ARK2C: variants seen among roughly 807,000 people sequenced by gnomAD.
ARK2C encodes the protein arkadia (RNF111) C-terminal like ring finger ubiquitin ligase 2C, also known as E3 ubiquitin-protein ligase ARK2C.
At chr18:46,427,385 G>A in the ARK2C span, among the ~76,000 whole-genome samples, 1 of 152,156 alleles carries the variant, frequency 6.6e-6, no homozygotes, top group Non-Finnish European at 1.5e-5. Context: ...TCCTAATGAG[G>A]CTCCAGAGAA....
the ARK2C span, chr18:46,336,993 G>A: frequency 1.0e-6 from 1 of 985,404 alleles, no homozygotes; most frequent in Non-Finnish European, 1.2e-6. Flanking sequence ...CGTCTTAATT[G>A]TTTAATTGTA....
chr18:46,373,944 C>G, the ARK2C span, among the ~76,000 whole-genome samples: 55 of 152,216 alleles, frequency 3.6e-4, no homozygotes, highest in Admixed American at 9.2e-4. Context: ...ACAGTTGCTC[C>G]GACAAAGGGG....
At chr18:46,453,648 AG>A in the ARK2C span, among the ~76,000 whole-genome samples, 1 of 152,128 alleles carries the variant, frequency 6.6e-6, no homozygotes, top group Non-Finnish European at 1.5e-5. Flanking sequence ...ACAATAAAGA[AG>A]AAAAACACCT....
At chr18:46,444,795 TG>T in the ARK2C span, among the ~76,000 whole-genome samples, 3 of 152,168 alleles carry the variant, frequency 2.0e-5, no homozygotes, top group African/African-American at 7.2e-5. Flanking sequence ...TTTTTATTGT[TG>T]TGTCTTAAAG....
the ARK2C span, among the ~76,000 whole-genome samples, chr18:46,358,561 C>G: frequency 6.6e-6 from 1 of 152,182 alleles, no homozygotes; most frequent in Non-Finnish European, 1.5e-5. Flanking sequence ...CCTCTGTGAC[C>G]TTCCTCAACT....
At chr18:46,422,725 G>T in the ARK2C span, among the ~76,000 whole-genome samples, 3 of 152,168 alleles carry the variant, frequency 2.0e-5, no homozygotes, top group African/African-American at 7.2e-5. Context: ...CTCCTGGTGG[G>T]CCAAAAAGGG....
the ARK2C span, among the ~76,000 whole-genome samples, chr18:46,423,637 G>T: frequency 1.3e-5 from 2 of 152,120 alleles, no homozygotes; most frequent in Non-Finnish European, 2.9e-5. Flanking sequence ...CAGAGCAGGG[G>T]GATCACACTG....
chr18:46,404,123 G>A, the ARK2C span, among the ~76,000 whole-genome samples: 6 of 151,742 alleles, frequency 4.0e-5, no homozygotes, highest in Non-Finnish European at 8.8e-5. Context: ...TTTTTTCTTT[G>A]TGCAAAAATT....
At chr18:46,355,575 CCTAT>C in the ARK2C span, among the ~76,000 whole-genome samples, 2 of 152,224 alleles carry the variant, frequency 1.3e-5, no homozygotes, top group African/African-American at 4.8e-5. Context: ...CCCATCTGTG[CCTAT>C]CTGAGGACCG....
the ARK2C span, chr18:46,460,109 C>T: frequency 6.5e-6 from 1 of 152,748 alleles, no homozygotes; most frequent in Non-Finnish European, 1.5e-5. Flanking sequence ...TCAAGCTCCT[C>T]TTCTGCAAAT....
the ARK2C span, among the ~76,000 whole-genome samples, chr18:46,395,497 A>G: frequency 6.6e-6 from 1 of 152,222 alleles, no homozygotes; most frequent in Non-Finnish European, 1.5e-5. Flanking sequence ...TCCTCATGGC[A>G]GCCCTTAGAA....
chr18:46,410,566 C>T, the ARK2C span, among the ~76,000 whole-genome samples: 2 of 152,246 alleles, frequency 1.3e-5, no homozygotes, highest in Non-Finnish European at 2.9e-5. Context: ...CTGTCAATTT[C>T]GTCCCAGGAA....
the ARK2C span, among the ~76,000 whole-genome samples, chr18:46,418,461 T>G: frequency 6.6e-6 from 1 of 152,230 alleles, no homozygotes; most frequent in African/African-American, 2.4e-5. Context: ...AGTTACTAAT[T>G]TTTTACATTA....
chr18:46,365,251 G>T, the ARK2C span, among the ~76,000 whole-genome samples: 1 of 152,062 alleles, frequency 6.6e-6, no homozygotes, highest in Admixed American at 6.5e-5. Context: ...CTCCCATGTG[G>T]GCTCTTCAGA....
the ARK2C span, among the ~76,000 whole-genome samples, chr18:46,453,460 G>A: frequency 6.6e-6 from 1 of 152,024 alleles, no homozygotes; most frequent in Non-Finnish European, 1.5e-5. Flanking sequence ...AGAATTAAAA[G>A]GGGAAATGGA....
At chr18:46,343,792 A>G in the ARK2C span, among the ~76,000 whole-genome samples, 2 of 152,138 alleles carry the variant, frequency 1.3e-5, no homozygotes, top group Non-Finnish European at 2.9e-5. Context: ...GTGAACTTCC[A>G]CTGGCCAGGT....
the ARK2C span, among the ~76,000 whole-genome samples, chr18:46,384,994 G>C: frequency 6.6e-6 from 1 of 152,218 alleles, no homozygotes; most frequent in Non-Finnish European, 1.5e-5. Context: ...CTTTGTGCCC[G>C]TAGACAGTAT....
At chr18:46,348,195 A>G in the ARK2C span, among the ~76,000 whole-genome samples, 1 of 16,438 alleles carries the variant, frequency 6.1e-5, no homozygotes, top group Admixed American at 8.5e-4. Flanking sequence ...TTGCCCAGGA[A>G]GGGGTGGGGT....
At chr18:46,349,709 T>C in the ARK2C span, among the ~76,000 whole-genome samples, 1 of 152,176 alleles carries the variant, frequency 6.6e-6, no homozygotes, top group African/African-American at 2.4e-5. Flanking sequence ...TCCCACCTTC[T>C]GTCTTACATT....
Sources: allele counts gnomAD v4.1 joint callset (sites outside exome capture counted in the v4.1 genomes callset), GRCh38; gene constraint gnomAD v4.1.1; transcripts MANE v1.5; gene names NCBI Gene and HGNC (gene_info 2026-07-23, HGNC 2026-07-21).